The following MYO1B variants were observed in gnomAD, a reference collection of about 807,000 sequenced individuals.
The protein encoded by MYO1B is myosin IB.
A neutral mutation model predicts 159.7 loss-of-function variants in MYO1B; 72 were observed. The ratio of observed to expected loss-of-function variants is 0.45; its 90% CI spans 0.37 to 0.55. MYO1B has a LOEUF of 0.55. Among genes scored for constraint, MYO1B ranks in the 20% least tolerant of loss-of-function variants. The pLI, the probability that MYO1B is intolerant of heterozygous loss-of-function variation, is 0.00. For synonymous variants in MYO1B, 468 were observed against 473.8 expected (o/e 0.99, Z 0.16); for missense variants, 1,062 against 1,364.8 (o/e 0.78, Z 3.50).
At chr2:191,297,755 G>A (rs1314577181) in intron 3 of MYO1B, among the ~76,000 whole-genome samples, 1 of 152,152 alleles carries the variant, frequency 6.6e-6, no homozygotes, top group Non-Finnish European at 1.5e-5. Context: ...TCTTTTTACC[G>A]AAAGCAGTAG....
At chr2:191,355,682 A>G (rs940659074) in intron 7 of MYO1B, among the ~76,000 whole-genome samples, 3 of 152,230 alleles carry the variant, frequency 2.0e-5, no homozygotes, top group Non-Finnish European at 4.4e-5. Flanking sequence ...TGGGGAACCC[A>G]GAGAGCTGAG....
At chr2:191,313,949 G>A (rs1039190429) in intron 3 of MYO1B, among the ~76,000 whole-genome samples, 1 of 152,162 alleles carries the variant, frequency 6.6e-6, no homozygotes, top group Non-Finnish European at 1.5e-5. Flanking sequence ...TCTTGTGCCC[G>A]GGAAGGGAGA....
chr2:191,408,988 C>T, intron 25 of MYO1B, 56 bp from the exon 26 acceptor site: 5 of 1,535,454 alleles, frequency 3.3e-6, no homozygotes, highest in Non-Finnish European at 3.5e-6. Context: ...GTATGTAAAA[C>T]AGTGTCTTTT....
chr2:191,346,125 T>C (rs1366970778), intron 5 of MYO1B, 111 bp from the exon 6 acceptor site: 2 of 841,218 alleles, frequency 2.4e-6, no homozygotes, highest in African/African-American at 1.8e-5. Flanking sequence ...ATATCATTGC[T>C]ACAAGTTGTA....
intron 3 of MYO1B, among the ~76,000 whole-genome samples, chr2:191,312,633 C>A (rs948050396): frequency 1.3e-5 from 2 of 152,176 alleles, no homozygotes; most frequent in African/African-American, 4.8e-5. Flanking sequence ...GATCAGTGGT[C>A]TTAAAATCTG....
In MYO1B at chr2:191,422,047, A is replaced by G. The variant is rs191040398; in HGVS notation, c.3288-1790A>G. ...TTTGCCTTGTTTCATTCTAGCAGAT[A>G]ATGTTTGCAAAATGTGGCCTCTTTA... On this transcript the variant is annotated intron_variant, in intron 30 of 30. Transcript: ENST00000392318. 3.2e-3 allele frequency among the ~76,000 whole-genome samples: 492 copies of G among 152,306 alleles called. 2 individuals carry two copies. Among genetic ancestry groups the G allele is most frequent in the Admixed American group, 5.0e-3 (76 of 15,300 alleles).
intron 13 of MYO1B, chr2:191,377,753 A>C (rs972710775): frequency 3.3e-5 from 5 of 152,112 alleles, no homozygotes; most frequent in African/African-American, 4.8e-5. Flanking sequence ...TTATTCCTTA[A>C]ATTTTTGAAA....
intron 11 of MYO1B, among the ~76,000 whole-genome samples, chr2:191,364,526 T>A (rs1399728061): frequency 6.6e-6 from 1 of 152,018 alleles, no homozygotes; most frequent in Non-Finnish European, 1.5e-5. Context: ...GCCCGTGGTG[T>A]ATGATCAGTG....
chr2:191,321,349 C>G (rs942039602), intron 3 of MYO1B, among the ~76,000 whole-genome samples: 1 of 152,040 alleles, frequency 6.6e-6, no homozygotes, highest in African/African-American at 2.4e-5. Flanking sequence ...TCATAAAAAT[C>G]GATCATGAAA....
intron 13 of MYO1B, among the ~76,000 whole-genome samples, chr2:191,376,061 T>G (rs1035680907): frequency 7.2e-5 from 11 of 152,190 alleles, no homozygotes; most frequent in African/African-American, 2.2e-4. Flanking sequence ...TGTGTAATAA[T>G]ATGTGTGTAT....
chr2:191,366,774 G>C (rs1343314743), intron 11 of MYO1B, among the ~76,000 whole-genome samples: 1 of 151,764 alleles, frequency 6.6e-6, no homozygotes, highest in East Asian at 1.9e-4. Flanking sequence ...CATTCTTTCT[G>C]CCCATCTAAA....
chr2:191,321,632 T>C (rs1368645127), intron 3 of MYO1B, among the ~76,000 whole-genome samples: 2 of 152,172 alleles, frequency 1.3e-5, no homozygotes, highest in Admixed American at 6.6e-5. Flanking sequence ...ACAGGGGAAA[T>C]AGCATAATTT....
intron 24 of MYO1B, among the ~76,000 whole-genome samples, chr2:191,406,727 A>C (rs942020214): frequency 6.6e-6 from 1 of 152,192 alleles, no homozygotes; most frequent in Non-Finnish European, 1.5e-5. Context: ...AATGTGACAG[A>C]CACAGAATGA....
intron 13 of MYO1B, chr2:191,381,200 G>T: frequency 2.1e-6 from 1 of 477,202 alleles, no homozygotes; most frequent in Non-Finnish European, 3.8e-6. Flanking sequence ...TTTTCTGTTT[G>T]GGGTGCTTCT....
intron 1 of MYO1B, chr2:191,246,057 G>A (rs1481418297): frequency 1.3e-5 from 2 of 152,226 alleles, no homozygotes; most frequent in African/African-American, 4.8e-5. Flanking sequence ...GAGAACAATG[G>A]GGCGTCCTGG....
Position 191,296,110 on chromosome 2 carries a change from G to A in MYO1B, c.136-1G>A. 1 of 1,553,800 alleles carries A rather than the reference G, an allele frequency of 6.4e-7. No individual in the cohort carries two copies. The highest frequency in any genetic ancestry group is 8.8e-7 in the Non-Finnish European group (1 of 1,135,414). On this transcript the variant is annotated splice_acceptor_variant, in intron 2 of 30. Transcript: ENST00000392318. LOFTEE classifies it high-confidence loss of function. ...GGCATGTTTTGTTCTTTCTTTTGCA[G>A]ACATACATTGGAAGTGTGGTTATAT...
At chr2:191,421,693 C>G (rs939952992) in intron 30 of MYO1B, among the ~76,000 whole-genome samples, 1 of 152,118 alleles carries the variant, frequency 6.6e-6, no homozygotes, top group Admixed American at 6.5e-5. Flanking sequence ...CCAGGCTGGT[C>G]TCGAACTCCT....
chr2:191,307,874 A>C (rs1689748656), intron 3 of MYO1B, among the ~76,000 whole-genome samples: 1 of 152,180 alleles, frequency 6.6e-6, no homozygotes, highest in Non-Finnish European at 1.5e-5. Flanking sequence ...AGAGCTGCAG[A>C]GGGCACGGTG....
intron 20 of MYO1B, among the ~76,000 whole-genome samples, chr2:191,396,189 A>G (rs896887094): frequency 6.6e-6 from 1 of 152,190 alleles, no homozygotes; most frequent in Admixed American, 6.5e-5. Context: ...AAATAATGAT[A>G]ATAATGCTGT....
Sources: allele counts gnomAD v4.1 joint callset (sites outside exome capture counted in the v4.1 genomes callset), GRCh38; gene constraint gnomAD v4.1.1; transcripts MANE v1.5; gene names NCBI Gene and HGNC (gene_info 2026-07-23, HGNC 2026-07-21).